Variants in DNAJC1 observed in about 807,000 individuals in gnomAD.
DNAJC1 encodes the protein dnaJ homolog subfamily C member 1.
A neutral mutation model predicts 76.6 loss-of-function variants in DNAJC1; 58 were observed. That is an observed-to-expected ratio of 0.76 (90% CI 0.61 to 0.94). DNAJC1 has a LOEUF of 0.94. DNAJC1 is among the 40% of genes least tolerant of loss of function. DNAJC1 has a pLI of 0.00. For synonymous variants in DNAJC1, 258 were observed against 267.9 expected (o/e 0.96, Z 0.36); for missense variants, 689 against 677.3 (o/e 1.02, Z -0.19).
intron 8 of DNAJC1, among the ~76,000 whole-genome samples, chr10:21,855,466 G>A (rs891841804): frequency 6.6e-6 from 1 of 151,998 alleles, no homozygotes; most frequent in Non-Finnish European, 1.5e-5. Context: ...GCAAAGCTCA[G>A]ATTTTTGAAA....
intron 8 of DNAJC1, among the ~76,000 whole-genome samples, chr10:21,850,567 C>A (rs1225002696): frequency 6.7e-6 from 1 of 148,536 alleles, no homozygotes. Flanking sequence ...CTTCCTAGCA[C>A]AAGGGAGACA....
rs571917364 is a variant in DNAJC1, at chr10:21,834,497, G to A, written c.979-28398C>T. Among the ~76,000 whole-genome samples, 16 of 152,292 alleles carry A rather than the reference G, an allele frequency of 1.1e-4. No homozygotes were observed. The South Asian group carries it at 1.2e-3, about 12-fold the overall frequency. The stretch of plus-strand genomic sequence containing the variant: ...TGCAGGACAGTAGGTGCAGCGCACC[G>A]TACGCGAGCCGAAGCAGGGCGAGGC... On this transcript the variant is annotated intron_variant, in intron 8 of 11. Coordinates refer to ENST00000376980, the MANE Select transcript of DNAJC1 (RefSeq NM_022365.4).
In DNAJC1 at chr10:21,849,292, C is replaced by CAAAAA. The variant is rs33953332; in HGVS notation, c.978+32985_978+32989dup. Among the ~76,000 whole-genome samples the CAAAAA allele has an allele frequency of 3.1e-4, 11 of 35,866 alleles. 2 individuals carry two copies. The highest frequency in any genetic ancestry group is 9.9e-4 in the African/African-American group (8 of 8,086). 23.5% of individuals were successfully genotyped at this position (35,866 alleles called of 152,430 possible). ...TGGGTGACAGAGTGGGACTCCGCCTCAAAAAAAAAAAAAAAAAAAAAAAAA... is the reference window on the plus strand; with the variant it reads ...TGGGTGACAGAGTGGGACTCCGCCTCAAAAAAAAAAAAAAAAAAAAAAAAAAAAAA... On this transcript the variant is annotated intron_variant, in intron 8 of 11. Transcript: ENST00000376980.
chr10:21,850,709 T>C (rs894045435), intron 8 of DNAJC1, among the ~76,000 whole-genome samples: 2 of 152,002 alleles, frequency 1.3e-5, no homozygotes, highest in Non-Finnish European at 2.9e-5. Context: ...GAACCCTAAA[T>C]AGCCAAAATG....
intron 8 of DNAJC1, among the ~76,000 whole-genome samples, chr10:21,862,725 G>A (rs914915288): frequency 4.6e-5 from 7 of 152,024 alleles, no homozygotes; most frequent in Non-Finnish European, 8.8e-5. Flanking sequence ...CACTGTGCCC[G>A]GTCATAAACT....
At position 21,802,320 on chromosome 10, in the gene DNAJC1, T is replaced by C. The variant is rs187885281; in HGVS notation, c.1098+3660A>G. On this transcript the variant is annotated intron_variant, in intron 9 of 11. Transcript: ENST00000376980. ...TGTAGGGCTGGCCTGACTCTAAAAGTAATAACAATATATTTGCCAAGATAA... is the reference window on the plus strand; with the variant it reads ...TGTAGGGCTGGCCTGACTCTAAAAGCAATAACAATATATTTGCCAAGATAA... Among the ~76,000 whole-genome samples, 110 of 152,250 alleles carry C rather than the reference T, an allele frequency of 7.2e-4. 1 individual carries two copies. The highest frequency in any genetic ancestry group is 1.7e-3 in the Admixed American group (26 of 15,286).
intron 9 of DNAJC1, among the ~76,000 whole-genome samples, chr10:21,784,153 T>C (rs1051578196): frequency 1.1e-4 from 16 of 152,350 alleles, no homozygotes; most frequent in African/African-American, 3.8e-4. Flanking sequence ...TCTACCCATC[T>C]GACAAAGGGC....
chr10:21,948,487 A>C (rs1338860308), intron 1 of DNAJC1, among the ~76,000 whole-genome samples: 1 of 152,154 alleles, frequency 6.6e-6, no homozygotes, highest in African/African-American at 2.4e-5. Flanking sequence ...GTGTTTGGTA[A>C]CCTGTAGTAT....
chr10:21,963,121 A>G (rs1429058571), intron 1 of DNAJC1, among the ~76,000 whole-genome samples: 3 of 152,228 alleles, frequency 2.0e-5, no homozygotes, highest in African/African-American at 7.2e-5. Flanking sequence ...AAAGAGAATA[A>G]TATCATATAG....
chr10:21,811,783 C>G (rs182577125), intron 8 of DNAJC1, among the ~76,000 whole-genome samples: 2 of 152,222 alleles, frequency 1.3e-5, no homozygotes, highest in East Asian at 3.9e-4. Context: ...GTGTAAAACT[C>G]TCTCAGTGGT....
intron 9 of DNAJC1, among the ~76,000 whole-genome samples, chr10:21,796,395 A>G (rs1027774426): frequency 6.6e-6 from 1 of 152,190 alleles, no homozygotes; most frequent in Non-Finnish European, 1.5e-5. Context: ...TAATGGTGCA[A>G]TGAACGGGGA....
intron 5 of DNAJC1, 77 bp downstream of exon 5, chr10:21,919,755 T>C (rs1423160521): frequency 3.1e-6 from 3 of 964,602 alleles, no homozygotes; most frequent in Non-Finnish European, 4.7e-6. Context: ...TAAATAGACA[T>C]ACATATGAAG....
intron 6 of DNAJC1, among the ~76,000 whole-genome samples, chr10:21,905,662 G>A (rs1220286700): frequency 1.3e-5 from 2 of 152,094 alleles, no homozygotes; most frequent in Non-Finnish European, 2.9e-5. Context: ...TCTTCCAGAT[G>A]AGAAATTGAG....
intron 11 of DNAJC1, 142 bp from the exon 12 acceptor site, chr10:21,756,897 CCA>C (rs990931486): frequency 5.6e-6 from 4 of 713,134 alleles, no homozygotes; most frequent in African/African-American, 5.3e-5. Flanking sequence ...GTCCTGGAGT[CCA>C]GTCGCTCACA....
At chr10:21,760,901 T>C (rs1001271108) in intron 10 of DNAJC1, among the ~76,000 whole-genome samples, 7 of 152,224 alleles carry the variant, frequency 4.6e-5, no homozygotes, top group Non-Finnish European at 1.5e-5. Context: ...TTAGGCCAGG[T>C]GCAGTGTGGC....
chr10:21,794,331 A>C (rs997564179), intron 9 of DNAJC1, among the ~76,000 whole-genome samples: 1 of 152,018 alleles, frequency 6.6e-6, no homozygotes, highest in African/African-American at 2.4e-5. Context: ...TATAAGCTGA[A>C]AAAAATAATA....
chr10:21,907,954 G>A (rs1836773908), intron 6 of DNAJC1, among the ~76,000 whole-genome samples: 2 of 140,446 alleles, frequency 1.4e-5, no homozygotes, highest in Admixed American at 7.9e-5. Flanking sequence ...CTCCAGCATG[G>A]GCCACAGAGT....
intron 1 of DNAJC1, among the ~76,000 whole-genome samples, chr10:21,946,484 A>G (rs1272225596): frequency 6.6e-6 from 1 of 152,142 alleles, no homozygotes; most frequent in Non-Finnish European, 1.5e-5. Context: ...ATCTTTATAA[A>G]TATTTTATTT....
chr10:21,894,953 A>G (rs894688848), intron 7 of DNAJC1, among the ~76,000 whole-genome samples: 3 of 152,234 alleles, frequency 2.0e-5, no homozygotes, highest in African/African-American at 2.4e-5. Context: ...ACTTGCTGGT[A>G]TCTTGATCTT....
Sources: gnomAD v4.1 joint callset for allele counts (sites outside exome capture counted in the v4.1 genomes callset) on GRCh38, gnomAD v4.1.1 for gene constraint, MANE v1.5 for transcripts, NCBI Gene and HGNC (gene_info 2026-07-23, HGNC 2026-07-21) for gene names.